TBC1D5: variants seen among roughly 807,000 people sequenced by gnomAD.
TBC1D5 encodes the protein TBC1 domain family member 5.
In TBC1D5, 75 loss-of-function variants were observed where a neutral mutation model predicts 100.3. The ratio of observed to expected loss-of-function variants is 0.75; its 90% confidence interval spans 0.62 to 0.91. The LOEUF (loss-of-function observed/expected upper bound fraction) is 0.91, where lower values mean the gene tolerates loss of function less well. Ranked by LOEUF, TBC1D5 falls within the 40% of genes least tolerant of loss-of-function variation. The pLI, the probability that TBC1D5 is intolerant of heterozygous loss-of-function variation, is 0.00. For synonymous variants in TBC1D5, 323 were observed against 325.6 expected, an observed-to-expected ratio of 0.99 and a Z score of 0.09; for missense variants, 910 against 942.4, an observed-to-expected ratio of 0.97 and a Z score of 0.45.
chr3:17,529,715 C>T (rs917370101), intron 2 of TBC1D5, among the ~76,000 whole-genome samples: 1 of 151,614 alleles, frequency 6.6e-6, no homozygotes, highest in East Asian at 1.9e-4. Flanking sequence ...GGCATAATCT[C>T]GGCTCACTGC....
At chr3:17,289,716 AAAT>A (rs1479612726) in intron 15 of TBC1D5, among the ~76,000 whole-genome samples, 7 of 152,162 alleles carry the variant, frequency 4.6e-5, no homozygotes, top group Non-Finnish European at 8.8e-5. Flanking sequence ...TTCAACCTCC[AAAT>A]ATTACAAAAG....
At chr3:17,255,055 C>G (rs1250207233) in intron 16 of TBC1D5, among the ~76,000 whole-genome samples, 1 of 152,096 alleles carries the variant, frequency 6.6e-6, no homozygotes, top group Non-Finnish European at 1.5e-5. Context: ...AAATTAAGGA[C>G]CCATCTGTAG....
At chr3:17,171,396 T>C (rs2067158052) in intron 19 of TBC1D5, among the ~76,000 whole-genome samples, 3 of 152,316 alleles carry the variant, frequency 2.0e-5, no homozygotes, top group Admixed American at 1.3e-4. Flanking sequence ...ACAAACTGGG[T>C]GGCCTAAAAC....
intron 13 of TBC1D5, among the ~76,000 whole-genome samples, chr3:17,346,525 C>T (rs536697137): frequency 1.4e-4 from 21 of 152,054 alleles, no homozygotes; most frequent in Admixed American, 1.2e-3. Context: ...AACATTTTTC[C>T]TAATGTACTG....
chr3:17,432,213 G>A (rs539165472), intron 3 of TBC1D5, among the ~76,000 whole-genome samples: 6 of 151,928 alleles, frequency 3.9e-5, no homozygotes, highest in Non-Finnish European at 8.8e-5. Context: ...TAGTAAGATG[G>A]GGAAAAATGA....
intron 15 of TBC1D5, among the ~76,000 whole-genome samples, chr3:17,288,217 T>G (rs887701583): frequency 6.6e-6 from 1 of 152,186 alleles, no homozygotes; most frequent in African/African-American, 2.4e-5. Flanking sequence ...TTAACAACAC[T>G]GAAAACCCCG....
intron 15 of TBC1D5, among the ~76,000 whole-genome samples, chr3:17,275,348 A>G (rs2079865395): frequency 6.6e-6 from 1 of 152,120 alleles, no homozygotes; most frequent in South Asian, 2.1e-4. Context: ...AGACCTGCCT[A>G]AGAAACAAAG....
At chr3:17,400,443 C>A (rs890852978) in intron 8 of TBC1D5, among the ~76,000 whole-genome samples, 2 of 152,088 alleles carry the variant, frequency 1.3e-5, no homozygotes, top group Non-Finnish European at 2.9e-5. Context: ...AACCGCCTTA[C>A]CTCACAAGCT....
intron 2 of TBC1D5, among the ~76,000 whole-genome samples, chr3:17,509,297 A>G (rs955357396): frequency 9.2e-5 from 14 of 151,926 alleles, no homozygotes; most frequent in African/African-American, 3.1e-4. Context: ...TCAATACTAC[A>G]AACAGTCTCA....
chr3:17,380,534 T>A (rs1180987526), intron 9 of TBC1D5, among the ~76,000 whole-genome samples: 1 of 152,118 alleles, frequency 6.6e-6, no homozygotes, highest in Non-Finnish European at 1.5e-5. Flanking sequence ...AATAATGTAT[T>A]GATAGTACGC....
intron 15 of TBC1D5, among the ~76,000 whole-genome samples, chr3:17,276,202 C>T (rs930952285): frequency 1.3e-4 from 20 of 152,144 alleles, no homozygotes; most frequent in African/African-American, 4.6e-4. Flanking sequence ...TCACTGTTTC[C>T]TTACGTGGTG....
intron 15 of TBC1D5, among the ~76,000 whole-genome samples, chr3:17,290,538 T>C (rs574378593): frequency 1.3e-5 from 2 of 152,334 alleles, no homozygotes; most frequent in South Asian, 2.1e-4. Flanking sequence ...TCTGTATGAT[T>C]CTAAAAATTC....
chr3:17,705,045 G>A (rs1224680005), intron 1 of TBC1D5, among the ~76,000 whole-genome samples: 7 of 136,668 alleles, frequency 5.1e-5, no homozygotes, highest in Non-Finnish European at 8.1e-5. Flanking sequence ...CTGGCCAGGC[G>A]GGGGGCTGAC....
intron 1 of TBC1D5, among the ~76,000 whole-genome samples, chr3:17,730,957 G>C (rs897110226): frequency 2.0e-5 from 3 of 151,914 alleles, no homozygotes; most frequent in Non-Finnish European, 4.4e-5. Flanking sequence ...TATGTATTAT[G>C]AGTAATACAT....
At chr3:17,626,200 G>C (rs1490001176) in intron 1 of TBC1D5, among the ~76,000 whole-genome samples, 2 of 151,994 alleles carry the variant, frequency 1.3e-5, no homozygotes, top group African/African-American at 4.8e-5. Flanking sequence ...AATTTTCTAG[G>C]TTTTCTGATT....
At chr3:17,355,624 G>C (rs1041598216) in intron 13 of TBC1D5, among the ~76,000 whole-genome samples, 1 of 149,896 alleles carries the variant, frequency 6.7e-6, no homozygotes. Flanking sequence ...AAAATATATA[G>C]AATGTGTGAC....
intron 2 of TBC1D5, among the ~76,000 whole-genome samples, chr3:17,533,483 TG>T (rs932856052): frequency 4.6e-5 from 7 of 152,144 alleles, no homozygotes; most frequent in African/African-American, 1.7e-4. Flanking sequence ...AAGAAAATCT[TG>T]GCACCAACTC....
intron 1 of TBC1D5, among the ~76,000 whole-genome samples, chr3:17,734,903 T>C (rs1268357560): frequency 6.1e-5 from 9 of 148,386 alleles, no homozygotes; most frequent in Non-Finnish European, 5.9e-5. Flanking sequence ...CTGGGCAACA[T>C]AGAGAGACAT....
Position 17,352,683 on chromosome 3 carries a change from C to CAAAAAAAAAA in TBC1D5, c.995+19382_995+19391dup, listed in dbSNP as rs1363926293. The stretch of plus-strand genomic sequence containing the variant: ...TCTAACTACAATACAAAGCAAAAGG[C>CAAAAAAAAAA]AAAAAAAAAAAAAAAACAAAAAAAC... On this transcript the variant is annotated intron_variant, in intron 13 of 21. Transcript: ENST00000253692. 4.1e-4 allele frequency among the ~76,000 whole-genome samples: 39 copies of CAAAAAAAAAA among 94,924 alleles called. 1 individual carries two copies. Among genetic ancestry groups the CAAAAAAAAAA allele is most frequent in the Non-Finnish European group, 4.1e-4 (20 of 48,604 alleles). The allele number at this position is 94,924 out of a possible 152,430, so 62.3% of individuals were successfully genotyped here.
Sources: allele counts gnomAD v4.1 joint callset (sites outside exome capture counted in the v4.1 genomes callset), GRCh38; gene constraint gnomAD v4.1.1; transcripts MANE v1.5; gene names NCBI Gene and HGNC (gene_info 2026-07-23, HGNC 2026-07-21).